ABCC1: variants seen among roughly 807,000 people sequenced by gnomAD.
ABCC1 encodes the protein multidrug resistance-associated protein 1.
In ABCC1, 83 loss-of-function variants were observed where a neutral mutation model predicts 172.9. That is an observed-to-expected ratio of 0.48 (90% CI 0.40 to 0.58). ABCC1 has a LOEUF of 0.58. Ranked by LOEUF, ABCC1 falls within the 20% of genes least tolerant of loss-of-function variation. ABCC1 has a pLI of 0.00. For missense variants in ABCC1, 1,817 were observed against 2,002.7 expected, an observed-to-expected ratio of 0.91 and a Z score of 1.77; for synonymous variants, 937 against 825.2, an observed-to-expected ratio of 1.14 and a Z score of -2.32.
At chr16:16,020,256 G>T (rs1018844480) in intron 5 of ABCC1, among the ~76,000 whole-genome samples, 6 of 152,160 alleles carry the variant, frequency 3.9e-5, no homozygotes, top group African/African-American at 7.2e-5. Flanking sequence ...ATCCAGCAGG[G>T]TGTCAAATGT....
intron 28 of ABCC1, among the ~76,000 whole-genome samples, chr16:16,136,060 G>C (rs1407883422): frequency 1.3e-5 from 2 of 150,236 alleles, no homozygotes; most frequent in Non-Finnish European, 3.0e-5. Context: ...TTTGGAGATA[G>C]AGTCTTGCTC....
At chr16:16,109,123 C>T (rs762266791) in intron 21 of ABCC1, among the ~76,000 whole-genome samples, 1 of 152,170 alleles carries the variant, frequency 6.6e-6, no homozygotes, top group African/African-American at 2.4e-5. Context: ...ACACATCAGA[C>T]CTGTTATCTT....
At chr16:15,990,614 T>C (rs1201835884) in intron 1 of ABCC1, among the ~76,000 whole-genome samples, 10 of 152,098 alleles carry the variant, frequency 6.6e-5, no homozygotes, top group Non-Finnish European at 1.5e-5. Flanking sequence ...AGCATAATGT[T>C]CTCCAGGCGC....
At position 16,044,396 on chromosome 16, in the gene ABCC1, A is replaced by AG; in HGVS notation, c.810-49dup. 5.5e-6 allele frequency: 8 copies of AG among 1,464,822 alleles called. 1 individual carries two copies. Among genetic ancestry groups the AG allele is most frequent in the Non-Finnish European group, 4.8e-6 (5 of 1,049,692 alleles). The allele number at this position is 1,464,822 out of a possible 1,614,324, so 90.7% of individuals were successfully genotyped here. ...CATTCCCTGGCCATGTCCCTGTGGTAGGGGGCTGCATCTCTGGCAGACCCC... is the reference window on the plus strand; with the variant it reads ...CATTCCCTGGCCATGTCCCTGTGGTAGGGGGGCTGCATCTCTGGCAGACCCC... On this transcript the variant is annotated intron_variant, in intron 7 of 30. Transcript: ENST00000399410.
intron 1 of ABCC1, among the ~76,000 whole-genome samples, chr16:15,999,769 T>TTCTCTTTCTC (rs2047186647): frequency 3.9e-5 from 1 of 25,360 alleles, no homozygotes; most frequent in African/African-American, 1.1e-4. Flanking sequence ...CCCGGCCTCT[T>TTCTCTTTCTC]TCTCTCTCTC....
chr16:16,090,158 C>T (rs1406761801), intron 18 of ABCC1, among the ~76,000 whole-genome samples: 1 of 152,192 alleles, frequency 6.6e-6, no homozygotes, highest in Non-Finnish European at 1.5e-5. Context: ...TTGTTTCCTT[C>T]CCCTTCCCCA....
At chr16:15,952,230 T>G (rs1437435787) in intron 1 of ABCC1, among the ~76,000 whole-genome samples, 3 of 152,226 alleles carry the variant, frequency 2.0e-5, no homozygotes, top group African/African-American at 7.2e-5. Flanking sequence ...ATGGTTAGTA[T>G]TAAATATTAT....
chr16:16,107,499 A>G (rs999926188), intron 21 of ABCC1, among the ~76,000 whole-genome samples: 17 of 152,146 alleles, frequency 1.1e-4, no homozygotes, highest in African/African-American at 3.6e-4. Flanking sequence ...CATGTTGGCC[A>G]GGCTGGTCTT....
In ABCC1 at chr16:16,078,920, G is replaced by C. The variant is rs118088240; in HGVS notation, c.1989-432G>C. 2.4e-3 allele frequency among the ~76,000 whole-genome samples: 363 copies of C among 152,232 alleles called. 6 individuals carry two copies. The East Asian group carries it at 0.025, about 10-fold the overall frequency. On this transcript the variant is annotated intron_variant, in intron 15 of 30. Transcript: ENST00000399410. ...TCTCGAGCTCCTGACCTCGTGATCC[G>C]CCTGCGTTGGCCTCCCAAAGTGCTG...
chr16:16,136,366 G>A, intron 28 of ABCC1, 112 bp from the exon 29 acceptor site: 1 of 1,167,780 alleles, frequency 8.6e-7, no homozygotes, highest in South Asian at 1.6e-5. Context: ...TGATTCCAAG[G>A]AGCTCTGATA....
rs114774580 is a variant in ABCC1 at position 15,961,966 on chromosome 16, C to T, written c.48+12167C>T. Among the ~76,000 whole-genome samples, 1,402 of 152,222 alleles carry T rather than the reference C, an allele frequency of 9.2e-3. 20 individuals carry two copies. The highest frequency in any genetic ancestry group is 0.032 in the African/African-American group (1,313 of 41,520). On this transcript the variant is annotated intron_variant, in intron 1 of 30. Coordinates refer to ENST00000399410, the MANE Select transcript of ABCC1 (RefSeq NM_004996.4). ...TGATTCAGCAGAATAAATTTTCCCA[C>T]AGGAAATTGCTAGGTTGACAGTATG...
rs1324774115 is a variant in ABCC1, at chr16:16,132,514, T to G, written c.3966+579T>G. On this transcript the variant is annotated intron_variant, in intron 27 of 30. Transcript: ENST00000399410. ...TTTTTTGTTTTTTGGTTGGTTGTTTTTTTTTTTTTTTTTTTTTTTTTTTTT... is the reference window on the plus strand; with the variant it reads ...TTTTTTGTTTTTTGGTTGGTTGTTTGTTTTTTTTTTTTTTTTTTTTTTTTT... 4.9e-3 allele frequency among the ~76,000 whole-genome samples: 376 copies of G among 77,146 alleles called. 14 individuals are homozygous for G. The highest frequency in any genetic ancestry group is 0.019 in the African/African-American group (358 of 19,028). 50.6% of individuals were successfully genotyped at this position (77,146 alleles called of 152,430 possible).
At chr16:16,001,872 G>C (rs1394880930) in intron 1 of ABCC1, among the ~76,000 whole-genome samples, 5 of 152,096 alleles carry the variant, frequency 3.3e-5, no homozygotes, top group Non-Finnish European at 5.9e-5. Flanking sequence ...TGACCTGGCA[G>C]GTTCCTTTTT....
intron 12 of ABCC1, among the ~76,000 whole-genome samples, chr16:16,067,565 AT>A (rs1162665990): frequency 2.0e-5 from 3 of 152,150 alleles, no homozygotes; most frequent in Admixed American, 2.0e-4. Context: ...AGATGAGAAA[AT>A]AGGGGCTTGC....
chr16:16,124,359 G>A lies in ABCC1; in HGVS notation c.3591-430G>A, dbSNP rs529761441. ...TGTGTGTGTGTGTGTGATTATAGGA[G>A]TGACCCACTACGCCCGGCTGTGTGT... On this transcript the variant is annotated intron_variant, in intron 24 of 30. Coordinates refer to ENST00000399410, the MANE Select transcript of ABCC1 (RefSeq NM_004996.4). Among the ~76,000 whole-genome samples, 76 of 97,628 alleles carry A rather than the reference G, an allele frequency of 7.8e-4. No individual in the cohort carries two copies. The East Asian group carries it at 0.024, about 30-fold the overall frequency. The allele number at this position is 97,628 out of a possible 152,430, so 64.0% of individuals were successfully genotyped here.
At chr16:16,125,743 A>AAAAAAAAAG in intron 25 of ABCC1, 67 bp from the exon 26 acceptor site, 1 of 1,204,142 alleles carries the variant, frequency 8.3e-7, no homozygotes, top group East Asian at 2.4e-5. Flanking sequence ...TCAGTGGAAA[A>AAAAAAAAAG]AAAGAAAAAG....
At chr16:16,025,524 G>A (rs915055540) in intron 5 of ABCC1, among the ~76,000 whole-genome samples, 4 of 152,220 alleles carry the variant, frequency 2.6e-5, no homozygotes, top group African/African-American at 7.2e-5. Context: ...CTCCTGCTGG[G>A]TGCAGGGGTT....
intron 1 of ABCC1, among the ~76,000 whole-genome samples, chr16:15,956,790 C>T (rs749921846): frequency 3.9e-5 from 6 of 152,134 alleles, no homozygotes; most frequent in Non-Finnish European, 5.9e-5. Flanking sequence ...ATTGTCTTCA[C>T]GTTGAGGAGG....
chr16:16,070,196 A>G (rs765687120), intron 13 of ABCC1, among the ~76,000 whole-genome samples: 10 of 151,684 alleles, frequency 6.6e-5, no homozygotes, highest in South Asian at 2.1e-4. Context: ...AGCCTGGGCA[A>G]TGAGACCCTT....
Sources: gnomAD v4.1 joint callset for allele counts (sites outside exome capture counted in the v4.1 genomes callset) on GRCh38, gnomAD v4.1.1 for gene constraint, MANE v1.5 for transcripts, NCBI Gene and HGNC (gene_info 2026-07-23, HGNC 2026-07-21) for gene names.